S100A13: variants seen among roughly 807,000 people sequenced by gnomAD.
S100A13 encodes the protein protein S100-A13.
S100A13 carries 6 observed loss-of-function variants against 8.2 expected under a neutral mutation model. The ratio of observed to expected loss-of-function variants is 0.73; its 90% CI spans 0.40 to 1.44. S100A13 has a LOEUF of 1.44. Ranked by LOEUF, S100A13 falls within the 40% of genes most tolerant of loss-of-function variation. The pLI is 0.02. For missense variants in S100A13, 114 were observed against 113.6 expected (o/e 1.00, Z -0.02); for synonymous variants, 39 against 45.9 (o/e 0.85, Z 0.61).
At chr1:153,630,550 A>T, upstream of S100A13, 1 of 1,614,260 alleles carries the variant, frequency 6.2e-7, no homozygotes, top group Non-Finnish European at 8.5e-7. Flanking sequence ...ACGGCGATGG[A>T]GACCCTCATC....
intron 2 of S100A13, among the ~76,000 whole-genome samples, chr1:153,623,015 A>G (rs79918747): frequency 0.027 from 4,097 of 152,174 alleles, 166 homozygotes; most frequent in African/African-American, 0.094. Flanking sequence ...ACTTGAGCGT[A>G]GGAGGTAGAG....
At chr1:153,624,800 C>T (rs538246818) in intron 2 of S100A13, among the ~76,000 whole-genome samples, 70 of 152,178 alleles carry the variant, frequency 4.6e-4, no homozygotes, top group Non-Finnish European at 6.9e-4. Flanking sequence ...TTAGGCCAGG[C>T]GCGGTGGCTC....
chr1:153,628,240 G>A (rs930829783), upstream of S100A13: 20 of 1,540,990 alleles, frequency 1.3e-5, no homozygotes, highest in African/African-American at 5.5e-5. Context: ...ACTGCTGCCT[G>A]GAGAGAAAGG....
At chr1:153,627,727 G>A (rs1029805324), upstream of S100A13, 9 of 232,854 alleles carry the variant, frequency 3.9e-5, no homozygotes, top group East Asian at 5.3e-4. Flanking sequence ...GATCTCGTTC[G>A]GCAGGGGTCC....
At chr1:153,623,564 T>C (rs187175087) in intron 2 of S100A13, among the ~76,000 whole-genome samples, 146 of 152,218 alleles carry the variant, frequency 9.6e-4, no homozygotes, top group African/African-American at 3.3e-3. Flanking sequence ...TTTTTAAATA[T>C]ATTTTTAGTA....
Position 153,618,826 on chromosome 1 carries a change from T to C in S100A13, c.*69A>G, listed in dbSNP as rs1011635359. Reference sequence around the variant, plus strand: ...TGTGTTTCAAGGAGGAAGCTTTATTTGGGAAGAGTGCGGTTCTGCTCGGCC... The same window carrying C: ...TGTGTTTCAAGGAGGAAGCTTTATTCGGGAAGAGTGCGGTTCTGCTCGGCC... On this transcript the variant is annotated 3_prime_UTR_variant, in exon 3 of 3. Transcript: ENST00000476133. 2.1e-6 allele frequency: 3 copies of C among 1,445,478 alleles called. No individual in the cohort carries two copies. Among genetic ancestry groups the C allele is most frequent in the African/African-American group, 1.4e-5 (1 of 70,326 alleles). The allele number at this position is 1,445,478 out of a possible 1,614,324, so 89.5% of individuals were successfully genotyped here.
intron 2 of S100A13, among the ~76,000 whole-genome samples, chr1:153,620,776 G>C (rs1667193059): frequency 6.6e-6 from 1 of 151,964 alleles, no homozygotes; most frequent in East Asian, 1.9e-4. Flanking sequence ...TTATATAAGG[G>C]ATTTGAGGCC....
upstream of S100A13, chr1:153,633,235 G>A (rs557373979): frequency 2.6e-5 from 4 of 152,154 alleles, no homozygotes; most frequent in African/African-American, 9.6e-5. Flanking sequence ...ATAATCCTAG[G>A]AGTCGGGAGG....
At chr1:153,633,158 C>T (rs1019953122), upstream of S100A13, 1 of 151,294 alleles carries the variant, frequency 6.6e-6, no homozygotes, top group African/African-American at 2.4e-5. Flanking sequence ...GAGACTCCAT[C>T]TGCAAAAAGA....
At chr1:153,620,075 T>G (rs1158169771) in intron 2 of S100A13, among the ~76,000 whole-genome samples, 2 of 151,812 alleles carry the variant, frequency 1.3e-5, no homozygotes, top group African/African-American at 4.8e-5. Context: ...TCACTTGAGG[T>G]CAGGAGTTTG....
At chr1:153,630,459 AG>A (rs1557930694), upstream of S100A13, 1 of 1,597,506 alleles carries the variant, frequency 6.3e-7, no homozygotes, top group Admixed American at 1.7e-5. Flanking sequence ...CCTAGACCCC[AG>A]GTACTCCGGG....
upstream of S100A13, chr1:153,633,233 A>G (rs1668131170): frequency 1.3e-5 from 2 of 152,106 alleles, no homozygotes. Flanking sequence ...CCATAATCCT[A>G]GGAGTCGGGA....
At chr1:153,624,409 TAAG>T (rs1667466683) in intron 2 of S100A13, among the ~76,000 whole-genome samples, 1 of 151,804 alleles carries the variant, frequency 6.6e-6, no homozygotes, top group Non-Finnish European at 1.5e-5. Flanking sequence ...AGGAGCGCAA[TAAG>T]AAGAATGGCA....
At chr1:153,630,356 T>C (rs1294561685), upstream of S100A13, 1 of 970,000 alleles carries the variant, frequency 1.0e-6, no homozygotes, top group African/African-American at 1.6e-5. Context: ...TCCCTCACAT[T>C]GTAAAATCTC....
At chr1:153,627,985 A>G (rs1667771658), upstream of S100A13, 1 of 1,524,288 alleles carries the variant, frequency 6.6e-7, no homozygotes, top group Non-Finnish European at 8.8e-7. Context: ...TGAGACCCCC[A>G]GAGAAGAGTC....
chr1:153,628,114 C>T, upstream of S100A13: 1 of 1,550,420 alleles, frequency 6.4e-7, no homozygotes, highest in Non-Finnish European at 8.7e-7. Context: ...CAGAATTCCC[C>T]CCTTACCGGG....
At chr1:153,631,244 C>A (rs1427804457), upstream of S100A13, 6 of 554,726 alleles carry the variant, frequency 1.1e-5, no homozygotes, top group Admixed American at 3.1e-5. Flanking sequence ...CCTCAGGATA[C>A]GGTAGAAAGT....
At chr1:153,624,328 T>C (rs895988132) in intron 2 of S100A13, among the ~76,000 whole-genome samples, 3 of 152,078 alleles carry the variant, frequency 2.0e-5, no homozygotes, top group Non-Finnish European at 4.4e-5. Context: ...GTGCGGATGC[T>C]GAAGCCACTG....
At chr1:153,628,413 G>C, upstream of S100A13, 1 of 1,550,494 alleles carries the variant, frequency 6.4e-7, no homozygotes, top group South Asian at 1.2e-5. Flanking sequence ...TTGAAGACAG[G>C]TCTCCACACA....
Sources: gnomAD v4.1 joint callset for allele counts (sites outside exome capture counted in the v4.1 genomes callset) on GRCh38, gnomAD v4.1.1 for gene constraint, MANE v1.5 for transcripts, NCBI Gene and HGNC (gene_info 2026-07-23, HGNC 2026-07-21) for gene names.